Variants in PKHD1 observed in about 807,000 individuals in gnomAD.
PKHD1 encodes fibrocystin.
A neutral mutation model predicts 412.0 loss-of-function variants in PKHD1; 291 were observed. The ratio of observed to expected loss-of-function variants is 0.71; its 90% CI spans 0.64 to 0.78. PKHD1 has a LOEUF of 0.78. Ranked by LOEUF, PKHD1 falls within the 30% of genes least tolerant of loss-of-function variation. PKHD1 has a pLI of 0.00. For synonymous variants in PKHD1, 1,777 were observed against 1,821.5 expected (o/e 0.98, Z 0.62); for missense variants, 4,825 against 4,950.7 (o/e 0.97, Z 0.76).
chr6:52,073,375 A>G, intron 7 of PKHD1, 88 bp downstream of exon 7: 1 of 857,510 alleles, frequency 1.2e-6, no homozygotes, highest in Non-Finnish European at 2.0e-6. Context: ...CCAACTGCTT[A>G]CAATTTATTG....
At chr6:51,740,950 G>A (rs1054917191) in intron 60 of PKHD1, among the ~76,000 whole-genome samples, 1 of 152,084 alleles carries the variant, frequency 6.6e-6, no homozygotes, top group African/African-American at 2.4e-5. Context: ...AAACATCAGG[G>A]GTTTAGGCAA....
intron 55 of PKHD1, among the ~76,000 whole-genome samples, chr6:51,759,315 T>TCCACTATACTGAAA (rs1201177267): frequency 1.3e-5 from 2 of 152,118 alleles, no homozygotes; most frequent in Non-Finnish European, 2.9e-5. Flanking sequence ...ACTGCTCCCA[T>TCCACTATACTGAAA]CCACTATACT....
At chr6:52,029,673 T>C (rs1443306645) in intron 29 of PKHD1, among the ~76,000 whole-genome samples, 1 of 152,202 alleles carries the variant, frequency 6.6e-6, no homozygotes, top group Non-Finnish European at 1.5e-5. Context: ...AAGCCTTTCA[T>C]AGCAATTTCT....
chr6:51,886,735 C>A (rs1018705632), intron 44 of PKHD1, among the ~76,000 whole-genome samples: 1 of 152,092 alleles, frequency 6.6e-6, no homozygotes, highest in African/African-American at 2.4e-5. Context: ...GGCAAAATGC[C>A]AAAGTATAGA....
At chr6:51,691,944 C>G (rs1778208421) in intron 60 of PKHD1, among the ~76,000 whole-genome samples, 1 of 152,106 alleles carries the variant, frequency 6.6e-6, no homozygotes, top group Non-Finnish European at 1.5e-5. Flanking sequence ...CTTTTCATTT[C>G]TTACGAACCC....
chr6:51,832,583 T>C (rs2151522410), intron 51 of PKHD1, among the ~76,000 whole-genome samples: 1 of 152,136 alleles, frequency 6.6e-6, no homozygotes, highest in South Asian at 2.1e-4. Context: ...GGTATCTCTG[T>C]GGTCTCCAGA....
In PKHD1 at chr6:51,871,341, C is replaced by T. The variant is rs1164460031; in HGVS notation, c.7351-702G>A. Among the ~76,000 whole-genome samples the T allele has an allele frequency of 1.3e-4, 7 of 54,854 alleles. 3 individuals are homozygous for T. The highest frequency in any genetic ancestry group is 3.3e-4 in the Non-Finnish European group (5 of 15,172). The allele number at this position is 54,854 out of a possible 152,430, so 36.0% of individuals were successfully genotyped here. On this transcript the variant is annotated intron_variant, in intron 46 of 66. Transcript: ENST00000371117. ...ATCTATCTAATGGAATACTATTCGT[C>T]GATAATAAGGAATGTAATATTGATA...
chr6:51,991,885 T>C (rs1797081075), intron 35 of PKHD1, among the ~76,000 whole-genome samples: 1 of 152,242 alleles, frequency 6.6e-6, no homozygotes. Context: ...ATTTTTAAAT[T>C]ATTTCATCAT....
chr6:51,832,361 G>A (rs1305210908), intron 51 of PKHD1, among the ~76,000 whole-genome samples: 1 of 152,086 alleles, frequency 6.6e-6, no homozygotes, highest in Non-Finnish European at 1.5e-5. Flanking sequence ...ACAGAAGGAT[G>A]AGCATGAGCC....
rs749454235 is a variant in PKHD1 at position 52,071,006 on chromosome 6, C to T, written c.667G>A (p.Gly223Ser). 24 of 1,577,202 alleles carry T rather than the reference C, an allele frequency of 1.5e-5. No homozygotes were observed. The highest frequency in any genetic ancestry group is 1.7e-5 in the Non-Finnish European group (19 of 1,146,736). ...LQCHVEGDYI[G>S]SQNVSFSVFN... ...AAATTATGTTACTTCTCTAACAGAC[C>T]GATGTAGTCGCCTTCCACATGGCAC... The change falls in exon 9 of 67, where the codon GGC becomes AGC. Residue 223 changes from glycine (G) to serine (S), a missense_variant and splice_region_variant. Transcript: ENST00000371117.
At chr6:51,716,445 C>T (rs572593725) in intron 60 of PKHD1, among the ~76,000 whole-genome samples, 60 of 152,220 alleles carry the variant, frequency 3.9e-4, no homozygotes. Context: ...CATTAATAGG[C>T]AGAGGCACCA....
intron 62 of PKHD1, among the ~76,000 whole-genome samples, chr6:51,648,713 A>T (rs1770464903): frequency 6.6e-6 from 1 of 152,212 alleles, no homozygotes; most frequent in African/African-American, 2.4e-5. Flanking sequence ...GTAAAACTGT[A>T]ATGTATCTAT....
At chr6:51,695,003 A>G (rs968444227) in intron 60 of PKHD1, among the ~76,000 whole-genome samples, 4 of 152,190 alleles carry the variant, frequency 2.6e-5, no homozygotes, top group Admixed American at 2.0e-4. Flanking sequence ...CACAAAGAAA[A>G]CAATGTTGCC....
chr6:51,992,889 G>A (rs766993991), intron 35 of PKHD1, among the ~76,000 whole-genome samples: 1 of 152,168 alleles, frequency 6.6e-6, no homozygotes, highest in African/African-American at 2.4e-5. Context: ...AGTATTGCTG[G>A]TACAAGGGTC....
chr6:51,774,438 T>C (rs1260451406), intron 54 of PKHD1, among the ~76,000 whole-genome samples: 1 of 151,982 alleles, frequency 6.6e-6, no homozygotes, highest in African/African-American at 2.4e-5. Context: ...TCCAGTGTTA[T>C]CACGCTACAG....
At chr6:51,644,674 T>C (rs1012452178) in intron 63 of PKHD1, among the ~76,000 whole-genome samples, 2 of 150,694 alleles carry the variant, frequency 1.3e-5, no homozygotes, top group Admixed American at 6.6e-5. Context: ...CACAGGAAAT[T>C]GGATAAGCTG....
At chr6:51,944,243 T>C (rs1464869834) in intron 36 of PKHD1, among the ~76,000 whole-genome samples, 1 of 149,168 alleles carries the variant, frequency 6.7e-6, no homozygotes, top group Admixed American at 6.7e-5. Context: ...TGACCCCCAC[T>C]CCTACACGCC....
intron 37 of PKHD1, among the ~76,000 whole-genome samples, chr6:51,918,917 C>G (rs113091441): frequency 1.3e-5 from 2 of 152,160 alleles, no homozygotes; most frequent in Non-Finnish European, 2.9e-5. Flanking sequence ...GTTTGTTGAT[C>G]GCATAAATAT....
At chr6:51,941,445 C>T (rs995087433) in intron 36 of PKHD1, among the ~76,000 whole-genome samples, 21 of 149,420 alleles carry the variant, frequency 1.4e-4, no homozygotes, top group African/African-American at 2.0e-4. Flanking sequence ...TTAGTAGAGA[C>T]GGGGTTTCAC....
Sources: allele counts gnomAD v4.1 joint callset (sites outside exome capture counted in the v4.1 genomes callset), GRCh38; gene constraint gnomAD v4.1.1; transcripts MANE v1.5; gene names NCBI Gene and HGNC (gene_info 2026-07-23, HGNC 2026-07-21).